Variants in RBFOX1 observed in about 807,000 individuals in gnomAD.
RBFOX1 encodes the protein RNA binding protein fox-1 homolog 1.
Under a neutral mutation model 57.7 loss-of-function variants are expected in RBFOX1, and 8 were observed. The ratio of observed to expected loss-of-function variants is 0.14; its 90% CI spans 0.08 to 0.25. The LOEUF (loss-of-function observed/expected upper bound fraction) is 0.25. Ranked by LOEUF, RBFOX1 falls within the 10% of genes least tolerant of loss-of-function variation. The pLI is 1.00. For missense variants in RBFOX1, 611 were observed against 548.5 expected (o/e 1.11, Z -1.14); for synonymous variants, 326 against 222.4 (o/e 1.47, Z -4.15).
chr16:6,896,613 T>C (rs1436827426), intron 3 of RBFOX1, among the ~76,000 whole-genome samples: 1 of 152,222 alleles, frequency 6.6e-6, no homozygotes, highest in African/African-American at 2.4e-5. Flanking sequence ...TCCTCTGCTA[T>C]GTAATCTGCG....
At chr16:7,580,297 A>G (rs2093654162) in intron 6 of RBFOX1, among the ~76,000 whole-genome samples, 1 of 152,160 alleles carries the variant, frequency 6.6e-6, no homozygotes. Flanking sequence ...GCTTTCTTTT[A>G]CAGTTGTCAA....
intron 3 of RBFOX1, among the ~76,000 whole-genome samples, chr16:5,724,517 C>G (rs1478567303): frequency 6.6e-6 from 1 of 152,138 alleles, no homozygotes; most frequent in Non-Finnish European, 1.5e-5. Flanking sequence ...GACCCATTAC[C>G]TACCCACTGT....
intron 2 of RBFOX1, among the ~76,000 whole-genome samples, chr16:6,638,435 C>A (rs560237126): frequency 9.2e-5 from 14 of 152,098 alleles, no homozygotes; most frequent in African/African-American, 3.4e-4. Flanking sequence ...AAAATTCATC[C>A]TTAGAGATTG....
In RBFOX1 at chr16:6,111,115, A is replaced by G. The variant is rs942500470; in HGVS notation, c.-127+91123A>G. ...TGATTTGCCTTGAAGGATGGGCGAG[A>G]GAGGGAGATCATGAGGGCATTTCAT... On this transcript the variant is annotated intron_variant, in intron 1 of 15. Coordinates refer to ENST00000550418, the MANE Select transcript of RBFOX1 (RefSeq NM_018723.4). Among the ~76,000 whole-genome samples the G allele has an allele frequency of 6.6e-5, 10 of 152,260 alleles. No homozygotes were observed. In the East Asian group the frequency reaches 1.9e-3, roughly 29 times the overall value.
intron 2 of RBFOX1, among the ~76,000 whole-genome samples, chr16:6,557,068 C>CAT (rs1276582581): frequency 7.2e-6 from 1 of 138,904 alleles, no homozygotes; most frequent in Non-Finnish European, 1.5e-5. Context: ...TATATACATA[C>CAT]ATATATACAT....
chr16:7,003,426 C>G (rs1413488603), intron 3 of RBFOX1, among the ~76,000 whole-genome samples: 1 of 150,232 alleles, frequency 6.7e-6, no homozygotes, highest in Non-Finnish European at 1.5e-5. Flanking sequence ...CGCCACTGTA[C>G]TGCAGCCTGG....
At chr16:5,856,561 G>T (rs13380524) in intron 3 of RBFOX1, among the ~76,000 whole-genome samples, 1 of 44,348 alleles carries the variant, frequency 2.3e-5, no homozygotes, top group African/African-American at 1.0e-4. Flanking sequence ...GTGTGTGTGT[G>T]TATGTGTGTG....
At chr16:6,099,097 G>A (rs893204615) in intron 1 of RBFOX1, among the ~76,000 whole-genome samples, 2 of 152,266 alleles carry the variant, frequency 1.3e-5, no homozygotes, top group African/African-American at 2.4e-5. Context: ...TCCAGGGGGC[G>A]ACACATTTTA....
intron 4 of RBFOX1, among the ~76,000 whole-genome samples, chr16:7,148,674 G>T (rs1219700861): frequency 1.3e-5 from 2 of 152,150 alleles, no homozygotes; most frequent in Non-Finnish European, 2.9e-5. Context: ...GAATAGATGT[G>T]CCGCTCTACT....
chr16:6,757,579 A>G (rs1255870300), intron 3 of RBFOX1, among the ~76,000 whole-genome samples: 1 of 152,126 alleles, frequency 6.6e-6, no homozygotes, highest in African/African-American at 2.4e-5. Context: ...TCTCATTCAT[A>G]TGTGGGAGCT....
At chr16:6,043,694 C>T (rs1428508954) in intron 1 of RBFOX1, among the ~76,000 whole-genome samples, 2 of 152,114 alleles carry the variant, frequency 1.3e-5, no homozygotes, top group African/African-American at 4.8e-5. Context: ...TTTAGGTCTC[C>T]TGCCTTTCCT....
chr16:6,893,730 T>C (rs2066079709), intron 3 of RBFOX1, among the ~76,000 whole-genome samples: 1 of 152,252 alleles, frequency 6.6e-6, no homozygotes, highest in Admixed American at 6.5e-5. Context: ...GTGATGAATT[T>C]TCATTTGCAT....
chr16:6,325,612 C>G (rs2082284010), intron 2 of RBFOX1, among the ~76,000 whole-genome samples: 2 of 152,144 alleles, frequency 1.3e-5, no homozygotes, highest in Admixed American at 6.6e-5. Context: ...CTGGAATCAC[C>G]TGATTCCTAC....
intron 2 of RBFOX1, among the ~76,000 whole-genome samples, chr16:6,552,600 AG>A (rs2097013286): frequency 6.6e-6 from 1 of 152,132 alleles, no homozygotes; most frequent in South Asian, 2.1e-4. Context: ...AGGAATTTTG[AG>A]GTTTGATTCA....
intron 1 of RBFOX1, among the ~76,000 whole-genome samples, chr16:6,269,060 A>G (rs964034915): frequency 1.3e-5 from 2 of 152,216 alleles, no homozygotes; most frequent in East Asian, 1.9e-4. Flanking sequence ...ACATCTTTAC[A>G]TTACTTATAA....
At chr16:6,929,123 T>A (rs879635692) in intron 3 of RBFOX1, among the ~76,000 whole-genome samples, 21 of 152,132 alleles carry the variant, frequency 1.4e-4, no homozygotes, top group Non-Finnish European at 2.8e-4. Flanking sequence ...TTGCAACTCT[T>A]CAATACTTTA....
chr16:7,348,689 C>T (rs2097066741), intron 4 of RBFOX1, among the ~76,000 whole-genome samples: 2 of 152,222 alleles, frequency 1.3e-5, no homozygotes, highest in Admixed American at 6.5e-5. Context: ...CGCCTAGAAT[C>T]CCAGCACTTT....
intron 3 of RBFOX1, among the ~76,000 whole-genome samples, chr16:6,959,429 C>A (rs563175165): frequency 6.6e-6 from 1 of 152,278 alleles, no homozygotes; most frequent in South Asian, 2.1e-4. Context: ...CTTATCACAG[C>A]AGGGATGAAG....
chr16:5,531,614 G>A (rs550501268), intron 2 of RBFOX1, among the ~76,000 whole-genome samples: 2 of 151,408 alleles, frequency 1.3e-5, no homozygotes, highest in Admixed American at 1.3e-4. Context: ...TTTTTCATCT[G>A]TGTAATAGGA....
Sources: gnomAD v4.1 joint callset for allele counts (sites outside exome capture counted in the v4.1 genomes callset) on GRCh38, gnomAD v4.1.1 for gene constraint, MANE v1.5 for transcripts, NCBI Gene and HGNC (gene_info 2026-07-23, HGNC 2026-07-21) for gene names.